Variants in RGP1 observed in about 807,000 individuals in gnomAD.
RGP1 encodes the protein RAB6A-GEF complex partner protein 2.
A neutral mutation model predicts 44.5 loss-of-function variants in RGP1; 28 were observed. The ratio of observed to expected loss-of-function variants is 0.63; its 90% CI spans 0.47 to 0.86. RGP1 has a LOEUF of 0.86. RGP1 is among the 40% of genes least tolerant of loss of function. The pLI, the probability that RGP1 is intolerant of heterozygous loss-of-function variation, is 0.00. For synonymous variants in RGP1, 212 were observed against 196.7 expected (o/e 1.08, Z -0.65); for missense variants, 417 against 490.7 (o/e 0.85, Z 1.42).
the RGP1 span, among the ~76,000 whole-genome samples, chr9:35,773,161 G>A: frequency 1.3e-5 from 2 of 152,136 alleles, no homozygotes; most frequent in East Asian, 1.9e-4. Context: ...GGCTGAGTCG[G>A]GAGGATCACT....
At chr9:35,759,416 G>C (rs1369040502), downstream of RGP1, among the ~76,000 whole-genome samples, 1 of 151,566 alleles carries the variant, frequency 6.6e-6, no homozygotes, top group Non-Finnish European at 1.5e-5. Context: ...ACAAAAATTA[G>C]CTGGGTGTGG....
At chr9:35,774,381 G>A in the RGP1 span, among the ~76,000 whole-genome samples, 1 of 152,210 alleles carries the variant, frequency 6.6e-6, no homozygotes, top group African/African-American at 2.4e-5. Flanking sequence ...TCCCAGCAAA[G>A]CAGTGGTACT....
the RGP1 span, among the ~76,000 whole-genome samples, chr9:35,788,471 C>T: frequency 4.6e-5 from 7 of 151,488 alleles, no homozygotes; most frequent in African/African-American, 7.3e-5. Flanking sequence ...AAGGCTGAGG[C>T]AGGAGAATCA....
chr9:35,761,053 G>A (rs1363863723), downstream of RGP1, among the ~76,000 whole-genome samples: 3 of 152,234 alleles, frequency 2.0e-5, no homozygotes, highest in South Asian at 6.2e-4. Flanking sequence ...TGATTTCACA[G>A]ACCTGGTAGT....
chr9:35,761,586 A>C (rs1352737927), downstream of RGP1, among the ~76,000 whole-genome samples: 2 of 152,110 alleles, frequency 1.3e-5, no homozygotes, highest in African/African-American at 4.8e-5. Context: ...AGGTGAGAGA[A>C]TCACTTGAGC....
chr9:35,751,111 G>T (rs1827252773), intron 5 of RGP1, 122 bp downstream of exon 5: 1 of 1,461,460 alleles, frequency 6.8e-7, no homozygotes, highest in Admixed American at 1.8e-5. Context: ...GTGCTAGGGA[G>T]TTGGGAAGGG....
At chr9:35,765,084 A>T in the RGP1 span, among the ~76,000 whole-genome samples, 5 of 151,590 alleles carry the variant, frequency 3.3e-5, no homozygotes, top group Non-Finnish European at 5.9e-5. Flanking sequence ...AGATGGCGCC[A>T]CTGCACTCCA....
the RGP1 span, among the ~76,000 whole-genome samples, chr9:35,780,988 C>A: frequency 6.6e-6 from 1 of 152,000 alleles, no homozygotes; most frequent in Non-Finnish European, 1.5e-5. Context: ...AAATATACTG[C>A]CAATGTAAGG....
chr9:35,789,329 CTTTTTT>C, the RGP1 span, among the ~76,000 whole-genome samples: 36 of 137,678 alleles, frequency 2.6e-4, no homozygotes, highest in East Asian at 4.2e-4. Context: ...CTTCCACTTC[CTTTTTT>C]TTTTTTTTTT....
Position 35,750,828 on chromosome 9 carries a change from C to A in RGP1, c.338-12C>A. The A allele has an allele frequency of 1.2e-6, 2 of 1,613,984 alleles. No individual in the cohort carries two copies. Among genetic ancestry groups the A allele is most frequent in the Non-Finnish European group, 1.7e-6 (2 of 1,179,862 alleles). On this transcript the variant is annotated splice_polypyrimidine_tract_variant and intron_variant, in intron 4 of 8. Transcript: ENST00000378078. The stretch of plus-strand genomic sequence containing the variant: ...GTGCCTCTGGCTGTCCTGACAACTA[C>A]TTCCCAACCAGACTCCTACAGTGAA...
Position 35,753,168 on chromosome 9 carries a change from C to T in RGP1, c.*294C>T. ...GCTGAGCCCCATTCTGGGTCAGGCC[C>T]TCCCCCTTTGCAGGGCAGCCGAGGG... On this transcript the variant is annotated 3_prime_UTR_variant, in exon 9 of 9. Coordinates refer to ENST00000378078, the MANE Select transcript of RGP1 (RefSeq NM_001080496.3). The surrounding 1 kb of genome is among the most constrained non-coding windows in gnomAD (Gnocchi z 4.2). 1.2e-6 allele frequency: 2 copies of T among 1,614,218 alleles called. No individual in the cohort carries two copies. The highest frequency in any genetic ancestry group is 2.2e-5 in the South Asian group (2 of 91,082).
downstream of RGP1, among the ~76,000 whole-genome samples, chr9:35,762,531 G>T (rs1051007050): frequency 6.6e-6 from 1 of 152,042 alleles, no homozygotes. Flanking sequence ...AAGTCAATTC[G>T]CCCTTTTTCT....
At chr9:35,768,589 C>T in the RGP1 span, among the ~76,000 whole-genome samples, 1 of 152,180 alleles carries the variant, frequency 6.6e-6, no homozygotes, top group African/African-American at 2.4e-5. Context: ...GAGGGTACCA[C>T]TCAGGCTATC....
the RGP1 span, among the ~76,000 whole-genome samples, chr9:35,784,758 G>A: frequency 3.2e-4 from 49 of 152,108 alleles, no homozygotes; most frequent in South Asian, 1.0e-2. Flanking sequence ...GTGAGCCACC[G>A]TGCCCTGCCC....
chr9:35,762,259 T>A (rs1343202837), downstream of RGP1, among the ~76,000 whole-genome samples: 2 of 152,206 alleles, frequency 1.3e-5, no homozygotes, highest in Non-Finnish European at 1.5e-5. Flanking sequence ...ACTGTCATGA[T>A]GAAGGAGCAA....
At chr9:35,787,431 T>G in the RGP1 span, among the ~76,000 whole-genome samples, 1 of 152,234 alleles carries the variant, frequency 6.6e-6, no homozygotes, top group Non-Finnish European at 1.5e-5. Flanking sequence ...GGTTTTGCCA[T>G]GTTGGCCAGG....
the RGP1 span, among the ~76,000 whole-genome samples, chr9:35,765,903 C>T: frequency 1.3e-5 from 2 of 149,152 alleles, no homozygotes; most frequent in East Asian, 2.0e-4. Flanking sequence ...GGCATGATCT[C>T]GGCTCACTGC....
At chr9:35,769,938 G>A in the RGP1 span, among the ~76,000 whole-genome samples, 4 of 152,338 alleles carry the variant, frequency 2.6e-5, no homozygotes, top group South Asian at 2.1e-4. Flanking sequence ...TGCATGTCTG[G>A]TTCATTTCAG....
the RGP1 span, among the ~76,000 whole-genome samples, chr9:35,765,492 A>C: frequency 2.0e-5 from 3 of 152,022 alleles, no homozygotes; most frequent in African/African-American, 7.2e-5. Flanking sequence ...CCCCATCTCT[A>C]CAAAAAATAC....
Sources: allele counts gnomAD v4.1 joint callset (sites outside exome capture counted in the v4.1 genomes callset), GRCh38; gene constraint gnomAD v4.1.1; non-coding constraint Gnocchi (gnomAD v3.1); transcripts MANE v1.5; gene names NCBI Gene and HGNC (gene_info 2026-07-23, HGNC 2026-07-21).